The following DISC1 variants were observed in gnomAD, a reference collection of about 807,000 sequenced individuals.
The protein encoded by DISC1 is DISC1 scaffold protein.
A neutral mutation model predicts 84.5 loss-of-function variants in DISC1; 57 were observed. The observed-to-expected ratio is 0.67, with a 90% CI of 0.55 to 0.84. The LOEUF (loss-of-function observed/expected upper bound fraction) is 0.84, where lower values mean the gene tolerates loss of function less well. Ranked by LOEUF, DISC1 falls within the 40% of genes least tolerant of loss-of-function variation. The pLI is 0.00. For synonymous variants in DISC1, 411 were observed against 415.2 expected, an observed-to-expected ratio of 0.99 and a Z score of 0.12; for missense variants, 1,000 against 1,057.8, an observed-to-expected ratio of 0.95 and a Z score of 0.76.
At chr1:231,949,016 C>T (rs896173376) in intron 9 of DISC1, among the ~76,000 whole-genome samples, 7 of 151,818 alleles carry the variant, frequency 4.6e-5, no homozygotes, top group Non-Finnish European at 1.0e-4. Flanking sequence ...ATTACAGGTG[C>T]GTGCCACCAC....
intron 6 of DISC1, among the ~76,000 whole-genome samples, chr1:231,774,236 AG>A: frequency 6.6e-6 from 1 of 152,156 alleles, no homozygotes; most frequent in Non-Finnish European, 1.5e-5. Flanking sequence ...CCAGGGCAAC[AG>A]AGCAAGACCC....
At chr1:231,725,040 C>T (rs2125130429) in intron 3 of DISC1, among the ~76,000 whole-genome samples, 1 of 152,152 alleles carries the variant, frequency 6.6e-6, no homozygotes, top group Non-Finnish European at 1.5e-5. Flanking sequence ...GTGAGTCACT[C>T]CCTCGTGGCC....
At chr1:231,975,701 A>T (rs796899540) in intron 10 of DISC1, among the ~76,000 whole-genome samples, 1 of 152,258 alleles carries the variant, frequency 6.6e-6, no homozygotes, top group African/African-American at 2.4e-5. Flanking sequence ...GGAAGTCATT[A>T]TCCGAAGTGA....
intron 9 of DISC1, among the ~76,000 whole-genome samples, chr1:231,877,739 T>G (rs2085997258): frequency 6.6e-6 from 1 of 152,208 alleles, no homozygotes; most frequent in Non-Finnish European, 1.5e-5. Context: ...TTCAGATCAG[T>G]TTTTTTCCTC....
chr1:231,901,104 A>G (rs570383560), intron 9 of DISC1, among the ~76,000 whole-genome samples: 157 of 152,306 alleles, frequency 1.0e-3, no homozygotes, highest in African/African-American at 3.4e-3. Flanking sequence ...GAATAAACCA[A>G]TTGGCAGTAA....
chr1:231,708,399 G>T (rs902614742), intron 3 of DISC1, among the ~76,000 whole-genome samples: 2 of 152,224 alleles, frequency 1.3e-5, no homozygotes, highest in Non-Finnish European at 2.9e-5. Flanking sequence ...TTGACTTTGT[G>T]TGTAAGCACT....
At chr1:231,720,702 T>C (rs1368790137) in intron 3 of DISC1, 2 of 540,740 alleles carry the variant, frequency 3.7e-6, no homozygotes, top group South Asian at 1.8e-5. Context: ...TTTAGTTTTC[T>C]ACCACTGGGT....
intron 10 of DISC1, among the ~76,000 whole-genome samples, chr1:232,006,888 A>C (rs1009153879): frequency 2.6e-5 from 4 of 152,162 alleles, no homozygotes; most frequent in African/African-American, 9.7e-5. Flanking sequence ...GGCTGTGCCC[A>C]GGGCCTTGCA....
intron 1 of DISC1, among the ~76,000 whole-genome samples, chr1:231,629,123 CAGACTT>C (rs2058500108): frequency 6.6e-6 from 1 of 152,190 alleles, no homozygotes; most frequent in African/African-American, 2.4e-5. Flanking sequence ...TAATTTCCCT[CAGACTT>C]ATTTTATAAA....
At chr1:231,949,311 A>G (rs1207540148) in intron 9 of DISC1, among the ~76,000 whole-genome samples, 1 of 152,178 alleles carries the variant, frequency 6.6e-6, no homozygotes, top group Non-Finnish European at 1.5e-5. Flanking sequence ...GACTATGTTT[A>G]TAAGCAAAAG....
chr1:231,736,167 A>G (rs939820602), intron 3 of DISC1, among the ~76,000 whole-genome samples: 4 of 152,078 alleles, frequency 2.6e-5, no homozygotes, highest in Admixed American at 2.6e-4. Flanking sequence ...CCTGACACTG[A>G]GCTTTTTACT....
At chr1:231,936,998 G>A (rs200124511) in intron 9 of DISC1, among the ~76,000 whole-genome samples, 4 of 152,158 alleles carry the variant, frequency 2.6e-5, no homozygotes, top group Admixed American at 2.6e-4. Flanking sequence ...CTGTGATAAC[G>A]AGAAACTACT....
At chr1:231,818,682 G>T in intron 9 of DISC1, 165 bp downstream of exon 9, 1 of 1,436,994 alleles carries the variant, frequency 7.0e-7, no homozygotes, top group South Asian at 1.5e-5. Flanking sequence ...TTGGCAAACC[G>T]AATGGAATTA....
chr1:231,712,146 G>C (rs1258255714), intron 3 of DISC1, among the ~76,000 whole-genome samples: 1 of 152,218 alleles, frequency 6.6e-6, no homozygotes. Context: ...AGCTGGAAGA[G>C]ACAAGGACAG....
chr1:231,689,944 G>T (rs2064785554), intron 1 of DISC1, among the ~76,000 whole-genome samples: 1 of 152,196 alleles, frequency 6.6e-6, no homozygotes, highest in African/African-American at 2.4e-5. Flanking sequence ...GAGCTGATGG[G>T]GGAGGGATTG....
intron 1 of DISC1, among the ~76,000 whole-genome samples, chr1:231,647,667 G>A (rs1013562394): frequency 6.6e-5 from 10 of 151,966 alleles, no homozygotes; most frequent in South Asian, 4.2e-4. Context: ...CCATTTTCAC[G>A]ATATTGATTC....
At chr1:231,903,995 G>A (rs563770974) in intron 9 of DISC1, among the ~76,000 whole-genome samples, 1 of 152,204 alleles carries the variant, frequency 6.6e-6, no homozygotes, top group South Asian at 2.1e-4. Flanking sequence ...CAGGAAAGGG[G>A]TGGTGTGGTT....
intron 4 of DISC1, among the ~76,000 whole-genome samples, chr1:231,754,195 C>A (rs779095525): frequency 3.0e-4 from 46 of 152,178 alleles, no homozygotes; most frequent in Admixed American, 5.9e-4. Context: ...TACTTTATAG[C>A]AATGCCCCAC....
intron 10 of DISC1, among the ~76,000 whole-genome samples, chr1:231,960,548 G>A (rs749645829): frequency 6.6e-6 from 1 of 152,118 alleles, no homozygotes; most frequent in Non-Finnish European, 1.5e-5. Context: ...CATCGTGCCC[G>A]GCCACCTCCT....
Sources: gnomAD v4.1 joint callset for allele counts (sites outside exome capture counted in the v4.1 genomes callset) on GRCh38, gnomAD v4.1.1 for gene constraint, MANE v1.5 for transcripts, NCBI Gene and HGNC (gene_info 2026-07-23, HGNC 2026-07-21) for gene names.